The following SHF variants were observed in gnomAD, a reference collection of about 807,000 sequenced individuals.
The protein encoded by SHF is Src homology 2 domain containing F.
A neutral mutation model predicts 42.4 loss-of-function variants in SHF; 30 were observed. The ratio of observed to expected loss-of-function variants is 0.71; its 90% CI spans 0.53 to 0.96. The LOEUF (loss-of-function observed/expected upper bound fraction) is 0.96. SHF is among the 40% of genes least tolerant of loss of function. The pLI is 0.00. For missense variants in SHF, 598 were observed against 634.0 expected (o/e 0.94, Z 0.61); for synonymous variants, 264 against 269.9 (o/e 0.98, Z 0.21).
chr15:45,175,573 T>C (rs959925966), intron 2 of SHF, 148 bp from the exon 3 acceptor site: 1 of 767,304 alleles, frequency 1.3e-6, no homozygotes, highest in Non-Finnish European at 2.1e-6. Flanking sequence ...ACATCCTGGG[T>C]TCCTCACCCT....
Position 45,187,854 on chromosome 15 carries a change from C to A in SHF, c.98G>T (p.Gly33Val). 1 of 1,085,526 alleles carries A rather than the reference C, an allele frequency of 9.2e-7. No individual in the cohort carries two copies. The highest frequency in any genetic ancestry group is 4.6e-5 in the South Asian group (1 of 21,934). 67.2% of individuals were successfully genotyped at this position (1,085,526 alleles called of 1,614,324 possible). A position where few individuals can be genotyped will look rare whatever the true frequency, so the allele number is the denominator to read the frequency against. ...CCCTCCTGGGCCGGCTCCCGCACCC[C>A]CGGCGCCCCGGCGGGACCCCCCCGG... ...GGPGGSRRGAGGAGAGPGGGG... is the reference protein window; with the variant it reads ...GGPGGSRRGAVGAGAGPGGGG... Residue 33 changes from glycine to valine, a missense_variant, in exon 1 of 7, where the codon GGG (glycine) becomes GTG (valine). This residue lies in a region of SHF where 159 missense variants were observed against 109.3 expected (regional missense o/e 1.45). Coordinates refer to ENST00000690270, the MANE Select transcript of SHF (RefSeq NM_001394037.1).
rs541194724 is a variant in SHF at position 45,197,762 on chromosome 15, A to G, written c.303+1010T>C. 2.6e-5 allele frequency among the ~76,000 whole-genome samples: 4 copies of G among 151,776 alleles called. No individual in the cohort carries two copies. The South Asian group carries it at 8.3e-4, about 32-fold the overall frequency. ...TCAGGGTATGTGACCTCTTCCCAGT[A>G]AAGGGAGATTGCCTACCAATACATA... On this transcript the variant is annotated intron_variant, in intron 2 of 7. Coordinates refer to the SHF transcript ENST00000290894.
intron 6 of SHF, chr15:45,170,271 T>C (rs1897403966): frequency 1.8e-6 from 2 of 1,093,744 alleles, no homozygotes; most frequent in African/African-American, 3.3e-5. Flanking sequence ...ACAAACCTCT[T>C]TGAATTTATT....
At chr15:45,198,636 T>C in intron 2 of SHF, 2 of 1,128,652 alleles carry the variant, frequency 1.8e-6, no homozygotes, top group Non-Finnish European at 2.4e-6. Context: ...CCGAGGTTGC[T>C]GCGGCCACAA....
At position 45,168,270 on chromosome 15, in the gene SHF, G is replaced by C. The variant is rs1430895100; in HGVS notation, c.1281-137C>G. On this transcript the variant is annotated intron_variant, in intron 6 of 6. Transcript: ENST00000690270. ...CTGAGAATGACAGGTGATTAGGGGAGGTGGAGGTCAGTCCAGAAAGCAGGG... is the reference window on the plus strand; with the variant it reads ...CTGAGAATGACAGGTGATTAGGGGACGTGGAGGTCAGTCCAGAAAGCAGGG... The C allele has an allele frequency of 4.0e-5, 33 of 833,112 alleles. No individual in the cohort carries two copies. The Admixed American group carries it at 7.5e-4, about 19-fold the overall frequency. 51.6% of individuals were successfully genotyped at this position (833,112 alleles called of 1,614,324 possible).
chr15:45,168,461 C>T (rs578149614), intron 6 of SHF, among the ~76,000 whole-genome samples: 2 of 152,330 alleles, frequency 1.3e-5, no homozygotes, highest in Admixed American at 6.5e-5. Flanking sequence ...CCAGGCACCC[C>T]GGCCCTCCAG....
chr15:45,170,663 T>A, intron 6 of SHF: 1 of 333,494 alleles, frequency 3.0e-6, no homozygotes, highest in East Asian at 8.5e-5. Context: ...TTTTTTTTTT[T>A]TTCTGAGACA....
chr15:45,196,386 G>C (rs1898863421), intron 2 of SHF, among the ~76,000 whole-genome samples: 1 of 152,136 alleles, frequency 6.6e-6, no homozygotes, highest in Non-Finnish European at 1.5e-5. Flanking sequence ...GAGCCACTGT[G>C]CCTGGCTGAC....
chr15:45,186,117 C>T (rs1377037608), intron 1 of SHF, among the ~76,000 whole-genome samples: 1 of 152,244 alleles, frequency 6.6e-6, no homozygotes, highest in Non-Finnish European at 1.5e-5. Flanking sequence ...ACTGTCACTA[C>T]CTCCATCACA....
intron 1 of SHF, chr15:45,181,266 G>A (rs1224039831): frequency 6.6e-6 from 1 of 152,442 alleles, no homozygotes; most frequent in Non-Finnish European, 1.5e-5. Flanking sequence ...GCTCCAGGAA[G>A]CCCCGGCCCC....
At chr15:45,188,996 T>C (rs1258827409), upstream of SHF, among the ~76,000 whole-genome samples, 3 of 151,872 alleles carry the variant, frequency 2.0e-5, no homozygotes, top group East Asian at 5.8e-4. Context: ...ATCGAGACCA[T>C]CCTGGCTAAC....
intron 1 of SHF, among the ~76,000 whole-genome samples, chr15:45,180,082 T>C (rs1269946306): frequency 6.6e-6 from 1 of 152,190 alleles, no homozygotes; most frequent in Non-Finnish European, 1.5e-5. Flanking sequence ...TTTGCGTCTC[T>C]GCCTGCTTGT....
chr15:45,187,728 T>A lies in SHF; in HGVS notation c.224A>T (p.Asp75Val). The A allele has an allele frequency of 1.0e-6, 1 of 997,102 alleles. No homozygotes were observed. The highest frequency in any genetic ancestry group is 1.3e-6 in the Non-Finnish European group (1 of 779,502). 61.8% of individuals were successfully genotyped at this position (997,102 alleles called of 1,614,324 possible). Residue 75 changes from aspartate to valine, a missense_variant, in exon 1 of 7, where the codon GAC becomes GTC. Asp to Val is a radical substitution (Grantham distance 152, BLOSUM62 -3). Transcript: ENST00000690270. ...GGSKPAPPEP[D>V]YRPPAPSPAA... ...CGGAGAGGGCGCAGGGGGGCGGTAGTCGGGCTCGGGGGGCGCCGGCTTGCT... is the reference window on the plus strand; with the variant it reads ...CGGAGAGGGCGCAGGGGGGCGGTAGACGGGCTCGGGGGGCGCCGGCTTGCT...
intron 2 of SHF, among the ~76,000 whole-genome samples, chr15:45,194,270 T>C (rs964882062): frequency 2.0e-5 from 3 of 152,066 alleles, no homozygotes; most frequent in Admixed American, 6.6e-5. Flanking sequence ...ATTATTATCA[T>C]ATTATTATTC....
intron 6 of SHF, chr15:45,170,277 T>G: frequency 1.8e-6 from 2 of 1,107,952 alleles, no homozygotes; most frequent in South Asian, 3.2e-5. Flanking sequence ...CTCTTTGAAT[T>G]TATTTTCTGT....
chr15:45,180,683 T>C (rs78059679), intron 1 of SHF, among the ~76,000 whole-genome samples: 10,214 of 152,260 alleles, frequency 0.067, 509 homozygotes, highest in East Asian at 0.18. Context: ...TTATAGATTA[T>C]TTCTTCAGAA....
In SHF at chr15:45,175,257, C is replaced by T; in HGVS notation, c.809G>A (p.Trp270Ter). 6.2e-7 allele frequency: 1 copy of T among 1,611,890 alleles called. No individual in the cohort carries two copies. The highest frequency in any genetic ancestry group is 8.5e-7 in the Non-Finnish European group (1 of 1,179,302). ...GGAAATCCGCTCCTTCTTCCACTCC[C>T]AGGGCTGGTCATACTCCTCAGGGGG... ...ERPPEEYDQP[W>*]EWKKERISKA... Residue 270 changes from tryptophan (W) to a stop codon, truncating the protein, a stop_gained, in exon 3 of 7, where the codon TGG (tryptophan) becomes TAG (stop). Coordinates refer to ENST00000690270, the MANE Select transcript of SHF (RefSeq NM_001394037.1). LOFTEE classifies it high-confidence loss of function.
At chr15:45,168,456 C>T (rs1897322406) in intron 6 of SHF, among the ~76,000 whole-genome samples, 1 of 152,220 alleles carries the variant, frequency 6.6e-6, no homozygotes, top group Non-Finnish European at 1.5e-5. Context: ...GGGGTCCAGG[C>T]ACCCCGGCCC....
intron 1 of SHF, chr15:45,199,224 T>A: frequency 1.2e-6 from 1 of 843,064 alleles, no homozygotes; most frequent in Non-Finnish European, 1.8e-6. Flanking sequence ...CAGCCCTGAC[T>A]CCTCCTGACT....
Sources: allele counts gnomAD v4.1 joint callset (sites outside exome capture counted in the v4.1 genomes callset), GRCh38; gene constraint gnomAD v4.1.1; regional missense constraint gnomAD v4.1.1; transcripts MANE v1.5; gene names NCBI Gene and HGNC (gene_info 2026-07-23, HGNC 2026-07-21).